Variants in EXOC6B observed in about 807,000 individuals in gnomAD.
EXOC6B encodes SEC15 homolog B.
EXOC6B carries 54 observed loss-of-function variants against 113.5 expected under a neutral mutation model. That is an observed-to-expected ratio of 0.48 (90% CI 0.38 to 0.60). The LOEUF (loss-of-function observed/expected upper bound fraction) is 0.60, where lower values mean the gene tolerates loss of function less well. Ranked by LOEUF, EXOC6B falls within the 20% of genes least tolerant of loss-of-function variation. The pLI is 0.00. For synonymous variants in EXOC6B, 357 were observed against 339.0 expected, an observed-to-expected ratio of 1.05 and a Z score of -0.58; for missense variants, 797 against 977.5, an observed-to-expected ratio of 0.82 and a Z score of 2.46.
chr2:72,822,943 A>G (rs1686661903), intron 1 of EXOC6B, among the ~76,000 whole-genome samples: 1 of 152,128 alleles, frequency 6.6e-6, no homozygotes, highest in African/African-American at 2.4e-5. Context: ...CAATAGAGGC[A>G]CATCCCAAGT....
At chr2:72,481,367 G>T (rs1479758181) in intron 16 of EXOC6B, among the ~76,000 whole-genome samples, 1 of 152,118 alleles carries the variant, frequency 6.6e-6, no homozygotes, top group Admixed American at 6.5e-5. Flanking sequence ...TATTCTAAAG[G>T]TATGTTTTCT....
rs115790124 is a variant in EXOC6B, at chr2:72,664,046, C to T, written c.669+54057G>A. 2.9e-3 allele frequency among the ~76,000 whole-genome samples: 448 copies of T among 152,170 alleles called. 1 individual carries two copies. The highest frequency in any genetic ancestry group is 0.01 in the African/African-American group (418 of 41,486). On this transcript the variant is annotated intron_variant, in intron 6 of 21. Transcript: ENST00000272427. ...AAAGTCAACCAGGAATGGTAGTTCA[C>T]GGCTGCAATCCCAATACTCTGGGAG...
chr2:72,633,976 A>G (rs1425620024), intron 6 of EXOC6B, among the ~76,000 whole-genome samples: 1 of 152,204 alleles, frequency 6.6e-6, no homozygotes, highest in Non-Finnish European at 1.5e-5. Context: ...TATTTAAGGT[A>G]AAATCTTTAA....
chr2:72,299,022 T>A (rs536798625), intron 20 of EXOC6B, among the ~76,000 whole-genome samples: 4 of 152,162 alleles, frequency 2.6e-5, no homozygotes, highest in Non-Finnish European at 5.9e-5. Flanking sequence ...TGAATTTGAA[T>A]GTTGGCCTGC....
At chr2:72,284,824 T>C (rs1685329014) in intron 20 of EXOC6B, among the ~76,000 whole-genome samples, 1 of 152,040 alleles carries the variant, frequency 6.6e-6, no homozygotes, top group Non-Finnish European at 1.5e-5. Flanking sequence ...CACTTACCTA[T>C]ATACCACCAA....
chr2:72,188,961 A>G, intron 20 of EXOC6B, among the ~76,000 whole-genome samples: 1 of 152,138 alleles, frequency 6.6e-6, no homozygotes, highest in Admixed American at 6.5e-5. Flanking sequence ...TCTTTTCTTG[A>G]GTTTCTTCAA....
intron 18 of EXOC6B, among the ~76,000 whole-genome samples, chr2:72,457,337 A>C (rs2105381929): frequency 6.6e-6 from 1 of 152,254 alleles, no homozygotes; most frequent in South Asian, 2.1e-4. Context: ...GAAGAATTTC[A>C]GAAACTTTTA....
intron 18 of EXOC6B, among the ~76,000 whole-genome samples, chr2:72,438,134 C>T (rs1319647106): frequency 2.0e-5 from 3 of 152,180 alleles, no homozygotes; most frequent in South Asian, 2.1e-4. Flanking sequence ...TAAAGCTGTA[C>T]ACGTGATAAT....
chr2:72,756,869 A>T (rs1420171644), intron 1 of EXOC6B, among the ~76,000 whole-genome samples: 1 of 152,160 alleles, frequency 6.6e-6, no homozygotes, highest in Non-Finnish European at 1.5e-5. Context: ...GGAAGAGGAG[A>T]GTAAGAAGGA....
intron 1 of EXOC6B, among the ~76,000 whole-genome samples, chr2:72,815,282 G>A (rs1336081464): frequency 6.6e-6 from 1 of 152,028 alleles, no homozygotes; most frequent in Non-Finnish European, 1.5e-5. Flanking sequence ...TTGAGCCCAG[G>A]AGTTCGACAG....
chr2:72,481,078 A>C (rs1391793783), intron 16 of EXOC6B, among the ~76,000 whole-genome samples: 10 of 152,168 alleles, frequency 6.6e-5, no homozygotes. Flanking sequence ...GAGTTCTCAC[A>C]GATTTGATGG....
At position 72,335,007 on chromosome 2, in the gene EXOC6B, G is replaced by A. The variant is rs763683533; in HGVS notation, c.2136C>T (p.Ser712=). The change falls in exon 20 of 22, where the codon TCC becomes TCT. Residue 712 remains serine (S), a synonymous_variant. Transcript: ENST00000272427. ...DVRECEQFAR[S]GPVPGFQEDT... ...CCTCCTGGAACCCAGGCACCGGGCC[G>A]GATCTGGCAAACTCTGTGGGAAAGA... 2.6e-5 allele frequency: 42 copies of A among 1,613,164 alleles called. No individual in the cohort carries two copies. Among genetic ancestry groups the A allele is most frequent in the Middle Eastern group, 1.6e-4 (1 of 6,078 alleles).
chr2:72,776,344 AG>A (rs1411278915), intron 1 of EXOC6B, among the ~76,000 whole-genome samples: 2 of 152,170 alleles, frequency 1.3e-5, no homozygotes, highest in South Asian at 2.1e-4. Context: ...TGGCCAGGAG[AG>A]GTGGCTCACG....
chr2:72,216,506 G>A (rs565445107), intron 20 of EXOC6B, among the ~76,000 whole-genome samples: 1 of 152,162 alleles, frequency 6.6e-6, no homozygotes, highest in Non-Finnish European at 1.5e-5. Flanking sequence ...ATTCGTTAAG[G>A]ATCTAGAACC....
At chr2:72,375,966 C>A (rs1460562784) in intron 19 of EXOC6B, among the ~76,000 whole-genome samples, 1 of 152,184 alleles carries the variant, frequency 6.6e-6, no homozygotes, top group South Asian at 2.1e-4. Context: ...ATGGAAGCAG[C>A]ACCATCCTTT....
At chr2:72,705,278 G>C (rs972892212) in intron 6 of EXOC6B, among the ~76,000 whole-genome samples, 11 of 152,034 alleles carry the variant, frequency 7.2e-5, no homozygotes, top group East Asian at 5.8e-4. Context: ...ATTCAACAAC[G>C]CTTCATGCTA....
intron 18 of EXOC6B, among the ~76,000 whole-genome samples, chr2:72,390,685 G>A (rs1692322467): frequency 6.6e-6 from 1 of 152,160 alleles, no homozygotes; most frequent in African/African-American, 2.4e-5. Flanking sequence ...CAGGACTAAT[G>A]CTGCTTTAGA....
chr2:72,686,329 A>T (rs1573621754), intron 6 of EXOC6B, among the ~76,000 whole-genome samples: 2 of 152,334 alleles, frequency 1.3e-5, no homozygotes, highest in East Asian at 3.9e-4. Context: ...CTTAACAAAC[A>T]TGCTACATAT....
intron 5 of EXOC6B, among the ~76,000 whole-genome samples, chr2:72,722,656 G>A (rs933208608): frequency 2.6e-5 from 4 of 152,152 alleles, no homozygotes; most frequent in Admixed American, 2.0e-4. Flanking sequence ...ATGGTTTAGT[G>A]TAAACAGAAT....
Sources: gnomAD v4.1 joint callset for allele counts (sites outside exome capture counted in the v4.1 genomes callset) on GRCh38, gnomAD v4.1.1 for gene constraint, MANE v1.5 for transcripts, NCBI Gene and HGNC (gene_info 2026-07-23, HGNC 2026-07-21) for gene names.